The following SYNE1 variants were observed in gnomAD, a reference collection of about 807,000 sequenced individuals.
SYNE1 encodes the protein nesprin-1.
Under a neutral mutation model 1,111.0 loss-of-function variants are expected in SYNE1, and 616 were observed. The observed-to-expected ratio is 0.55, with a 90% CI of 0.52 to 0.59. The LOEUF (loss-of-function observed/expected upper bound fraction) is 0.59, where lower values mean the gene tolerates loss of function less well. Ranked by LOEUF, SYNE1 falls within the 20% of genes least tolerant of loss-of-function variation. The pLI, the probability that SYNE1 is intolerant of heterozygous loss-of-function variation, is 0.00. For synonymous variants in SYNE1, 3,855 were observed against 3,825.8 expected (o/e 1.01, Z -0.28); for missense variants, 10,006 against 10,417.0 (o/e 0.96, Z 1.72).
At chr6:152,226,283 G>A (rs968902226) in intron 115 of SYNE1, among the ~76,000 whole-genome samples, 1 of 150,364 alleles carries the variant, frequency 6.7e-6, no homozygotes, top group South Asian at 2.1e-4. Context: ...GGTATTCTGG[G>A]CCCTAGTATC....
chr6:152,170,018 CTTGA>C (rs1287095803), intron 130 of SYNE1, among the ~76,000 whole-genome samples: 1 of 151,662 alleles, frequency 6.6e-6, no homozygotes, highest in Admixed American at 6.6e-5. Context: ...TTGTTTTTTT[CTTGA>C]TTATGACTAA....
chr6:152,160,559 C>T (rs538136149), intron 131 of SYNE1, among the ~76,000 whole-genome samples: 18 of 152,154 alleles, frequency 1.2e-4, no homozygotes, highest in Non-Finnish European at 2.1e-4. Flanking sequence ...GCATATGCAG[C>T]ATATATAGCA....
In SYNE1 at chr6:152,481,070, C is replaced by T. The variant is rs1453571961; in HGVS notation, c.1350+2015G>A. On this transcript the variant is annotated intron_variant, in intron 14 of 145. Coordinates refer to ENST00000367255, the MANE Select transcript of SYNE1 (RefSeq NM_182961.4). ...TGCATTGGCCAACTTAGGACTCACT[C>T]CCCCGTAGGAGATACTACTGTCTAT... The T allele has an allele frequency of 2.9e-5, 8 of 280,154 alleles. 1 individual carries two copies. Among genetic ancestry groups the T allele is most frequent in the South Asian group, 1.8e-4 (5 of 27,512 alleles). 17.4% of individuals were successfully genotyped at this position (280,154 alleles called of 1,614,324 possible).
chr6:152,190,138 C>T (rs2071799876), intron 127 of SYNE1, among the ~76,000 whole-genome samples: 2 of 152,176 alleles, frequency 1.3e-5, no homozygotes, highest in Admixed American at 6.5e-5. Context: ...GACGGCCATA[C>T]CACCCTAAAC....
chr6:152,387,927 G>A (rs968256299), intron 53 of SYNE1, among the ~76,000 whole-genome samples: 7 of 152,094 alleles, frequency 4.6e-5, no homozygotes, highest in Non-Finnish European at 7.4e-5. Flanking sequence ...GTGAATGAAT[G>A]CTCAAGTATT....
At chr6:152,378,746 C>A (rs943776213) in intron 56 of SYNE1, among the ~76,000 whole-genome samples, 1 of 152,162 alleles carries the variant, frequency 6.6e-6, no homozygotes, top group Non-Finnish European at 1.5e-5. Flanking sequence ...TACCCCCTGC[C>A]CTCCTTCCCA....
intron 87 of SYNE1, chr6:152,316,514 G>T (rs1374167616): frequency 5.8e-6 from 2 of 342,702 alleles, no homozygotes; most frequent in Admixed American, 4.5e-5. Context: ...ACACTTCATT[G>T]CATCTCTTCA....
intron 130 of SYNE1, among the ~76,000 whole-genome samples, chr6:152,172,472 C>T (rs1185671480): frequency 6.6e-6 from 1 of 152,150 alleles, no homozygotes; most frequent in Non-Finnish European, 1.5e-5. Context: ...TTAGAAGGTC[C>T]AGTTACCCAC....
chr6:152,242,474 T>C lies in SYNE1; in HGVS notation c.19693-34A>G, dbSNP rs1211524833. The C allele has an allele frequency of 3.1e-6, 5 of 1,611,658 alleles. No homozygotes were observed. The African/African-American group carries it at 5.3e-5, about 17-fold the overall frequency. ...CAGAGACCACAAGACTCACTCTCAATTCATATTCTGGCAACCCTCTAAAAG... is the reference window on the plus strand; with the variant it reads ...CAGAGACCACAAGACTCACTCTCAACTCATATTCTGGCAACCCTCTAAAAG... On this transcript the variant is annotated intron_variant, in intron 106 of 145. Transcript: ENST00000367255.
At chr6:152,229,409 T>C (rs2082255616) in intron 115 of SYNE1, among the ~76,000 whole-genome samples, 1 of 152,178 alleles carries the variant, frequency 6.6e-6, no homozygotes, top group South Asian at 2.1e-4. Context: ...ATTTGGAACG[T>C]TACTGCTTCA....
In SYNE1 at chr6:152,453,731, AG is replaced by A; in HGVS notation, c.2893-12del. 1 of 1,614,162 alleles carries A rather than the reference AG, an allele frequency of 6.2e-7. No individual in the cohort carries two copies. The highest frequency in any genetic ancestry group is 2.2e-5 in the East Asian group (1 of 44,872). On this transcript the variant is annotated splice_polypyrimidine_tract_variant and intron_variant, in intron 24 of 145. Transcript: ENST00000367255. Reference sequence around the variant, plus strand: ...CTGACTGAAAAACTCCTGACATGGAAGGGGAAAGTGGGTAAGAGTGTTGGAC... The same window carrying A: ...CTGACTGAAAAACTCCTGACATGGAAGGGAAAGTGGGTAAGAGTGTTGGAC...
intron 132 of SYNE1, chr6:152,155,514 A>G (rs2061233678): frequency 3.1e-6 from 1 of 326,384 alleles, no homozygotes; most frequent in African/African-American, 2.1e-5. Flanking sequence ...AGCCATGATG[A>G]TCACTTTGTA....
At chr6:152,289,943 T>TTTC (rs1361718574) in intron 95 of SYNE1, among the ~76,000 whole-genome samples, 2 of 150,676 alleles carry the variant, frequency 1.3e-5, no homozygotes, top group Non-Finnish European at 2.9e-5. Context: ...TTTTTTTTTT[T>TTTC]TTAAGCCTAC....
rs1389166406 is a variant in SYNE1 at position 152,151,579 on chromosome 6, C to A, written c.24424G>T (p.Val8142Phe). 6.2e-7 allele frequency: 1 copy of A among 1,613,952 alleles called. No individual in the cohort carries two copies. Among genetic ancestry groups the A allele is most frequent in the African/African-American group, 1.3e-5 (1 of 74,906 alleles). ...TTGAGTTGCTTTATTTTAGCTTGAACATCACACTCAGAAAAATGTTCAATA... is the reference window on the plus strand; with the variant it reads ...TTGAGTTGCTTTATTTTAGCTTGAAAATCACACTCAGAAAAATGTTCAATA... ...TNIEHFSECD[V>F]QAKIKQLKAF... The change falls in exon 135 of 146, where the codon GTT (valine) becomes TTT (phenylalanine). Residue 8142 changes from valine (V) to phenylalanine (F), a missense_variant. Physicochemically the swap from Val to Phe is conservative, Grantham distance 50 (BLOSUM62 -1). Transcript: ENST00000367255.
intron 3 of SYNE1, among the ~76,000 whole-genome samples, chr6:152,603,829 T>C (rs1438769630): frequency 2.0e-5 from 3 of 147,126 alleles, no homozygotes; most frequent in African/African-American, 7.4e-5. Context: ...TATATATAGA[T>C]ATACTATCTA....
At chr6:152,556,165 T>C (rs1376672884) in intron 3 of SYNE1, among the ~76,000 whole-genome samples, 2 of 152,154 alleles carry the variant, frequency 1.3e-5, no homozygotes, top group Non-Finnish European at 2.9e-5. Flanking sequence ...GAACAACCCA[T>C]TCACATGCAA....
chr6:152,371,121 G>A (rs1282118473), intron 59 of SYNE1, among the ~76,000 whole-genome samples: 1 of 152,094 alleles, frequency 6.6e-6, no homozygotes, highest in Non-Finnish European at 1.5e-5. Flanking sequence ...CCATCTTCCT[G>A]TTACTAGAGC....
chr6:152,283,750 TG>T (rs1216042004), intron 96 of SYNE1, among the ~76,000 whole-genome samples: 7 of 152,136 alleles, frequency 4.6e-5, no homozygotes, highest in African/African-American at 7.2e-5. Flanking sequence ...TTAGCCAGGC[TG>T]GTTTCAAACT....
chr6:152,247,240 C>T (rs1347181326), intron 105 of SYNE1, among the ~76,000 whole-genome samples: 1 of 152,118 alleles, frequency 6.6e-6, no homozygotes, highest in Non-Finnish European at 1.5e-5. Context: ...TTCCCCATGC[C>T]CTCTGCTGTT....
Sources: gnomAD v4.1 joint callset for allele counts (sites outside exome capture counted in the v4.1 genomes callset) on GRCh38, gnomAD v4.1.1 for gene constraint, MANE v1.5 for transcripts, NCBI Gene and HGNC (gene_info 2026-07-23, HGNC 2026-07-21) for gene names.